Variants in DPYSL3 observed in about 807,000 individuals in gnomAD.
The protein encoded by DPYSL3 is dihydropyrimidinase-related protein 3.
In DPYSL3, 16 loss-of-function variants were observed where a neutral mutation model predicts 66.1. The observed-to-expected ratio is 0.24, with a 90% CI of 0.16 to 0.37. DPYSL3 has a LOEUF of 0.37. DPYSL3 is among the 10% of genes least tolerant of loss of function. DPYSL3 has a pLI of 1.00. For synonymous variants in DPYSL3, 338 were observed against 345.1 expected (o/e 0.98, Z 0.23); for missense variants, 738 against 916.2 (o/e 0.81, Z 2.51).
At chr5:147,470,298 G>T (rs1217146607) in intron 1 of DPYSL3, among the ~76,000 whole-genome samples, 2 of 151,960 alleles carry the variant, frequency 1.3e-5, no homozygotes, top group Non-Finnish European at 2.9e-5. Context: ...ACTTTCTAGG[G>T]CACCTAGAGC....
chr5:147,460,248 G>A (rs938512276), intron 1 of DPYSL3, among the ~76,000 whole-genome samples: 1 of 152,220 alleles, frequency 6.6e-6, no homozygotes, highest in African/African-American at 2.4e-5. Context: ...TCTGCCTTAG[G>A]CATCATGGGG....
At chr5:147,447,863 AC>A (rs574206008) in intron 1 of DPYSL3, among the ~76,000 whole-genome samples, 1 of 152,206 alleles carries the variant, frequency 6.6e-6, no homozygotes, top group East Asian at 1.9e-4. Flanking sequence ...AAACAAACAA[AC>A]ACATATATCC....
rs1385405645 is a variant in DPYSL3, at chr5:147,393,435, A to G, written c.*600T>C. On this transcript the variant is annotated 3_prime_UTR_variant, in exon 14 of 14. Transcript: ENST00000343218. ...AATTTACTTGTAGGGGACGTGACAA[A>G]GAACAGAACCCAAAGACTGCCTGCC... The G allele has an allele frequency of 6.6e-6, 1 of 152,508 alleles. No homozygotes were observed. 9.4% of individuals were successfully genotyped at this position (152,508 alleles called of 1,614,324 possible).
chr5:147,397,686 G>A lies in DPYSL3; in HGVS notation c.1783C>T (p.Arg595Cys), dbSNP rs769049808. 11 of 1,614,020 alleles carry A rather than the reference G, an allele frequency of 6.8e-6. No individual in the cohort carries two copies. Among genetic ancestry groups the A allele is most frequent in the South Asian group, 3.3e-5 (3 of 91,064 alleles). ...CSPFSDYVYKRIKARRKMADL... is the reference protein window; with the variant it reads ...CSPFSDYVYKCIKARRKMADL... ...TTTACCTTCCTCCGTGCTTTAATGC[G>A]CTTGTAGACATAGTCGGAGAACGGG... Residue 595 changes from arginine (R) to cysteine (C), a missense_variant, in exon 12 of 14, where the codon CGC becomes TGC. Coordinates refer to ENST00000343218, the MANE Select transcript of DPYSL3 (RefSeq NM_001197294.2).
At chr5:147,394,298 T>C (rs910600562) in intron 13 of DPYSL3, among the ~76,000 whole-genome samples, 175 bp from the exon 14 acceptor site, 10 of 152,338 alleles carry the variant, frequency 6.6e-5, no homozygotes, top group Admixed American at 3.3e-4. Flanking sequence ...ACTTTTCTTA[T>C]GGCCCCGAAA....
At chr5:147,439,094 C>A (rs1318136140) in intron 1 of DPYSL3, among the ~76,000 whole-genome samples, 1 of 152,182 alleles carries the variant, frequency 6.6e-6, no homozygotes, top group Non-Finnish European at 1.5e-5. Context: ...TAAATTAATT[C>A]ATTCATTCCT....
intron 9 of DPYSL3, among the ~76,000 whole-genome samples, chr5:147,401,052 C>G (rs1282094452): frequency 6.6e-6 from 1 of 152,138 alleles, no homozygotes; most frequent in East Asian, 1.9e-4. Context: ...TAGCTCATCT[C>G]TTTTGTAGCA....
At chr5:147,479,252 G>T (rs1054240841) in intron 1 of DPYSL3, among the ~76,000 whole-genome samples, 1 of 152,128 alleles carries the variant, frequency 6.6e-6, no homozygotes, top group African/African-American at 2.4e-5. Flanking sequence ...TTTGCCCTAG[G>T]TCATAGAGCT....
rs1355125399 is a variant in DPYSL3 at position 147,510,068 on chromosome 5, T to C, written c.-210A>G. The C allele has an allele frequency of 1.3e-6, 1 of 762,814 alleles. No individual in the cohort carries two copies. The highest frequency in any genetic ancestry group is 1.9e-5 in the African/African-American group (1 of 54,048). The allele number at this position is 762,814 out of a possible 1,614,324, so 47.3% of individuals were successfully genotyped here. A position where few individuals can be genotyped will look rare whatever the true frequency, so the allele number is the denominator to read the frequency against. ...TAGCGCGCGGAGCAGGGGCCCAGAG[T>C]AGCGCCGCGCTTGGCTCACTCGCTG... On this transcript the variant is annotated 5_prime_UTR_variant, in exon 1 of 14. Coordinates refer to ENST00000343218, the MANE Select transcript of DPYSL3 (RefSeq NM_001197294.2).
chr5:147,397,593 T>G, intron 12 of DPYSL3, 73 bp downstream of exon 12: 3 of 1,502,184 alleles, frequency 2.0e-6, no homozygotes, highest in Non-Finnish European at 2.7e-6. Context: ...TGCCCTGTGT[T>G]CATGGTTACT....
intron 10 of DPYSL3, 90 bp from the exon 11 acceptor site, chr5:147,399,342 G>A (rs1758101692): frequency 4.9e-6 from 7 of 1,417,758 alleles, no homozygotes; most frequent in Non-Finnish European, 5.6e-6. Flanking sequence ...AACCCACAAA[G>A]GCATAGAAAT....
chr5:147,408,821 C>T, intron 6 of DPYSL3, 25 bp from the exon 7 acceptor site: 3 of 1,613,218 alleles, frequency 1.9e-6, no homozygotes, highest in South Asian at 2.2e-5. Flanking sequence ...GAAAATAGTT[C>T]TTCAATAAGC....
At chr5:147,467,856 C>T (rs959851696) in intron 1 of DPYSL3, among the ~76,000 whole-genome samples, 1 of 152,188 alleles carries the variant, frequency 6.6e-6, no homozygotes, top group Admixed American at 6.5e-5. Flanking sequence ...AAGGCATCAG[C>T]AGATTCTGTG....
intron 6 of DPYSL3, among the ~76,000 whole-genome samples, chr5:147,409,693 C>T (rs144829028): frequency 2.0e-5 from 3 of 149,608 alleles, no homozygotes; most frequent in East Asian, 1.9e-4. Context: ...ATTTCTTCAG[C>T]GTTACTGGCA....
chr5:147,466,877 A>G (rs775489326), intron 1 of DPYSL3, among the ~76,000 whole-genome samples: 7 of 152,202 alleles, frequency 4.6e-5, no homozygotes, highest in Non-Finnish European at 1.0e-4. Context: ...GGGATGGCAG[A>G]GACACATGCC....
At chr5:147,504,981 C>G (rs575240404) in intron 1 of DPYSL3, among the ~76,000 whole-genome samples, 1 of 152,328 alleles carries the variant, frequency 6.6e-6, no homozygotes, top group African/African-American at 2.4e-5. Flanking sequence ...GGAAAAGCAT[C>G]TTGAGAAATG....
chr5:147,509,966 G>A lies in DPYSL3; in HGVS notation c.-108C>T. On this transcript the variant is annotated 5_prime_UTR_variant, in exon 1 of 14. Transcript: ENST00000343218. This position sits in a 1 kb window ranked among gnomAD's most constrained non-coding sequence, Gnocchi z 5.3. Reference sequence around the variant, plus strand: ...GTGACTGTGGCGGGAGGAGGCGCCTGAGCCTTCGCGCCAGAGGCGGCAGTG... The same window carrying A: ...GTGACTGTGGCGGGAGGAGGCGCCTAAGCCTTCGCGCCAGAGGCGGCAGTG... 1 of 1,421,364 alleles carries A rather than the reference G, an allele frequency of 7.0e-7. No individual in the cohort carries two copies. The highest frequency in any genetic ancestry group is 9.2e-7 in the Non-Finnish European group (1 of 1,087,740). 88.0% of individuals were successfully genotyped at this position (1,421,364 alleles called of 1,614,324 possible). A position where few individuals can be genotyped will look rare whatever the true frequency, so the allele number is the denominator to read the frequency against.
At chr5:147,444,111 G>A (rs1483996896) in intron 1 of DPYSL3, among the ~76,000 whole-genome samples, 2 of 152,098 alleles carry the variant, frequency 1.3e-5, no homozygotes, top group Non-Finnish European at 2.9e-5. Context: ...TGACTCCAGA[G>A]GTGGGAGAGG....
chr5:147,437,898 A>G (rs1752443589), intron 1 of DPYSL3, among the ~76,000 whole-genome samples: 1 of 152,154 alleles, frequency 6.6e-6, no homozygotes, highest in South Asian at 2.1e-4. Flanking sequence ...AGAAGCTAGA[A>G]TCTCCCTAAA....
Sources: allele counts gnomAD v4.1 joint callset (sites outside exome capture counted in the v4.1 genomes callset), GRCh38; gene constraint gnomAD v4.1.1; non-coding constraint Gnocchi (gnomAD v3.1); transcripts MANE v1.5; gene names NCBI Gene and HGNC (gene_info 2026-07-23, HGNC 2026-07-21).